The following TP53BP2 variants were observed in gnomAD, a reference collection of about 807,000 sequenced individuals.
TP53BP2 encodes tumor protein p53 binding protein 2, also known as apoptosis-stimulating of p53 protein 2.
In TP53BP2, 62 loss-of-function variants were observed where a neutral mutation model predicts 126.2. That is an observed-to-expected ratio of 0.49 (90% CI 0.40 to 0.61). The LOEUF is 0.61. Ranked by LOEUF, TP53BP2 falls within the 20% of genes least tolerant of loss-of-function variation. TP53BP2 has a pLI of 0.00. For missense variants in TP53BP2, 1,215 were observed against 1,402.8 expected (o/e 0.87, Z 2.14); for synonymous variants, 485 against 502.9 (o/e 0.96, Z 0.48).
At chr1:223,832,901 C>A (rs1015586894) in intron 1 of TP53BP2, among the ~76,000 whole-genome samples, 1 of 152,200 alleles carries the variant, frequency 6.6e-6, no homozygotes, top group African/African-American at 2.4e-5. Context: ...GCTGTCCTTC[C>A]TCGTCTCCCC....
intron 1 of TP53BP2, among the ~76,000 whole-genome samples, chr1:223,841,791 C>A: frequency 6.6e-6 from 1 of 152,016 alleles, no homozygotes; most frequent in East Asian, 1.9e-4. Flanking sequence ...TCTGCAGCAT[C>A]ATGAAATAAC....
At chr1:223,829,260 G>A (rs1284072280) in intron 1 of TP53BP2, among the ~76,000 whole-genome samples, 1 of 152,140 alleles carries the variant, frequency 6.6e-6, no homozygotes, top group African/African-American at 2.4e-5. Context: ...CCTGAGTCCA[G>A]GAGATCACTG....
chr1:223,790,708 A>G (rs1279538691), intron 15 of TP53BP2, among the ~76,000 whole-genome samples: 2 of 151,518 alleles, frequency 1.3e-5, no homozygotes, highest in Admixed American at 6.6e-5. Flanking sequence ...GGCTCCAGCA[A>G]TCCTCCCACC....
In TP53BP2 at chr1:223,795,336, CCCTT is replaced by C. The variant is rs1421696599; in HGVS notation, c.2724+475_2724+478del. 2.6e-5 allele frequency among the ~76,000 whole-genome samples: 4 copies of C among 152,210 alleles called. 1 individual carries two copies. The highest frequency in any genetic ancestry group is 5.9e-5 in the Non-Finnish European group (4 of 68,042). ...CTCCCTGCCCTCACTCCATCCAGAA[CCCTT>C]CCAATTTTACCACTGTTGTAAGTTT... On this transcript the variant is annotated intron_variant, in intron 13 of 17. Coordinates refer to ENST00000343537, the MANE Select transcript of TP53BP2 (RefSeq NM_001031685.3).
rs1489843198 is a variant in TP53BP2, at chr1:223,796,942, A to C, written c.1949-352T>G. On this transcript the variant is annotated intron_variant, in intron 12 of 17. Coordinates refer to ENST00000343537, the MANE Select transcript of TP53BP2 (RefSeq NM_001031685.3). This position sits in a 1 kb window ranked among gnomAD's most constrained non-coding sequence, Gnocchi z 4.2. Reference sequence around the variant, plus strand: ...GAAAACAGATAATCCTCATGTGTCCAGATTAAAACTAAACATGTACTATCC... The same window carrying C: ...GAAAACAGATAATCCTCATGTGTCCCGATTAAAACTAAACATGTACTATCC... Among the ~76,000 whole-genome samples the C allele has an allele frequency of 6.6e-6, 1 of 152,254 alleles. No individual in the cohort carries two copies. The highest frequency in any genetic ancestry group is 6.5e-5 in the Admixed American group (1 of 15,290).
chr1:223,819,140 C>A (rs1205045913), intron 2 of TP53BP2, among the ~76,000 whole-genome samples: 1 of 149,980 alleles, frequency 6.7e-6, no homozygotes, highest in Admixed American at 6.6e-5. Context: ...GCCGAGATCG[C>A]GCCATTGCAC....
At chr1:223,793,606 T>C (rs1662222046) in intron 13 of TP53BP2, among the ~76,000 whole-genome samples, 166 bp from the exon 14 acceptor site, 3 of 152,238 alleles carry the variant, frequency 2.0e-5, no homozygotes, top group Non-Finnish European at 4.4e-5. Context: ...AGTATACGAA[T>C]CTGACATGCA....
intron 1 of TP53BP2, among the ~76,000 whole-genome samples, chr1:223,843,166 C>A (rs1571882613): frequency 6.8e-6 from 1 of 148,102 alleles, no homozygotes; most frequent in East Asian, 2.0e-4. Flanking sequence ...AACACATGAA[C>A]ACAATTTATT....
chr1:223,799,587 A>C (rs1662460684), intron 11 of TP53BP2, among the ~76,000 whole-genome samples: 1 of 152,154 alleles, frequency 6.6e-6, no homozygotes. Flanking sequence ...TTCACCACAC[A>C]AGCATTTTGT....
intron 13 of TP53BP2, among the ~76,000 whole-genome samples, 179 bp from the exon 14 acceptor site, chr1:223,793,619 G>A (rs891522325): frequency 2.6e-5 from 4 of 152,218 alleles, no homozygotes; most frequent in African/African-American, 7.2e-5. Flanking sequence ...GACATGCAGC[G>A]TAATGAACTT....
intron 11 of TP53BP2, 35 bp downstream of exon 11, chr1:223,799,864 T>C: frequency 6.5e-7 from 1 of 1,541,436 alleles, no homozygotes; most frequent in East Asian, 2.3e-5. Context: ...ATAGAATTAC[T>C]ATTAAATTTT....
chr1:223,798,808 A>G, intron 11 of TP53BP2, 131 bp from the exon 12 acceptor site: 1 of 815,884 alleles, frequency 1.2e-6, no homozygotes, highest in Non-Finnish European at 1.9e-6. Flanking sequence ...GCAGGGGCTC[A>G]CACCTGTAAT....
chr1:223,831,363 A>G (rs1663703230), intron 1 of TP53BP2, among the ~76,000 whole-genome samples: 1 of 144,264 alleles, frequency 6.9e-6, no homozygotes, highest in South Asian at 2.2e-4. Flanking sequence ...ATGCCACTAC[A>G]CTCCAGCTTG....
chr1:223,813,197 G>C (rs898300090), intron 3 of TP53BP2, among the ~76,000 whole-genome samples: 2 of 151,888 alleles, frequency 1.3e-5, no homozygotes, highest in African/African-American at 4.8e-5. Context: ...TGACTCCCTT[G>C]TTCTCTCCAC....
chr1:223,795,819 G>A lies in TP53BP2; in HGVS notation c.2720C>T (p.Pro907Leu). 1 of 1,533,432 alleles carries A rather than the reference G, an allele frequency of 6.5e-7. No homozygotes were observed. Among genetic ancestry groups the A allele is most frequent in the South Asian group, 1.3e-5 (1 of 78,138 alleles). 95.0% of individuals were successfully genotyped at this position (1,533,432 alleles called of 1,614,324 possible). A position where few individuals can be genotyped will look rare whatever the true frequency, so the allele number is the denominator to read the frequency against. Residue 907 changes from proline (P) to leucine (L), a missense_variant, in exon 13 of 18, where the codon CCT becomes CTT. Coordinates refer to ENST00000343537, the MANE Select transcript of TP53BP2 (RefSeq NM_001031685.3). The part of the protein sequence containing the change: ...PPEITGQVSL[P>L]PGKRTNLRKT... ...ATGAGATAGTACATTACTTACAGGA[G>A]GCAGAGAGACCTGCCCGGTGATTTC...
At chr1:223,845,250 T>C (rs569352785) in intron 1 of TP53BP2, 1 of 985,118 alleles carries the variant, frequency 1.0e-6, no homozygotes. Context: ...TCCAGTAACG[T>C]ATGTTTCACT....
intron 1 of TP53BP2, among the ~76,000 whole-genome samples, chr1:223,839,400 T>G (rs1344836238): frequency 6.6e-5 from 10 of 152,166 alleles, no homozygotes; most frequent in Non-Finnish European, 1.3e-4. Flanking sequence ...GGAGGGAAGT[T>G]AGAGTGAAGC....
Position 223,802,748 on chromosome 1 carries a change from G to A in TP53BP2, c.979C>T (p.Gln327Ter). Residue 327 changes from glutamine to a stop codon, truncating the protein, a stop_gained, in exon 8 of 18, where the codon CAA (glutamine) becomes TAA (stop). Coordinates refer to ENST00000343537, the MANE Select transcript of TP53BP2 (RefSeq NM_001031685.3). LOFTEE classifies it high-confidence loss of function. The part of the protein sequence containing the change: ...RLWKKKAALQ[Q>*]KENLPVSSDG... ...CCACTTACTGGTAGATTTTCTTTTTGCTGTAGAGCTGCCTTCTTCTTCCAC... is the reference window on the plus strand; with the variant it reads ...CCACTTACTGGTAGATTTTCTTTTTACTGTAGAGCTGCCTTCTTCTTCCAC... 1 of 1,613,638 alleles carries A rather than the reference G, an allele frequency of 6.2e-7. No homozygotes were observed. Among genetic ancestry groups the A allele is most frequent in the Non-Finnish European group, 8.5e-7 (1 of 1,179,868 alleles).
At chr1:223,807,476 A>G (rs928324573) in intron 4 of TP53BP2, among the ~76,000 whole-genome samples, 1 of 152,044 alleles carries the variant, frequency 6.6e-6, no homozygotes, top group Non-Finnish European at 1.5e-5. Flanking sequence ...AACAAGAAAG[A>G]GAAATAAACA....
Sources: gnomAD v4.1 joint callset for allele counts (sites outside exome capture counted in the v4.1 genomes callset) on GRCh38, gnomAD v4.1.1 for gene constraint, Gnocchi (gnomAD v3.1) non-coding constraint, MANE v1.5 for transcripts, NCBI Gene and HGNC (gene_info 2026-07-23, HGNC 2026-07-21) for gene names.